The following PRDM2 variants were observed in gnomAD, a reference collection of about 807,000 sequenced individuals.
PRDM2 encodes the protein PR/SET domain 2.
PRDM2 carries 30 observed loss-of-function variants against 130.0 expected under a neutral mutation model. The ratio of observed to expected loss-of-function variants is 0.23; its 90% CI spans 0.17 to 0.31. PRDM2 has a LOEUF of 0.31. Ranked by LOEUF, PRDM2 falls within the 10% of genes least tolerant of loss-of-function variation. The pLI, the probability that PRDM2 is intolerant of heterozygous loss-of-function variation, is 1.00. For synonymous variants in PRDM2, 871 were observed against 782.4 expected (o/e 1.11, Z -1.89); for missense variants, 2,011 against 2,108.4 (o/e 0.95, Z 0.90).
chr1:13,790,490 T>TA (rs1644821993), intron 8 of PRDM2, among the ~76,000 whole-genome samples: 1 of 152,004 alleles, frequency 6.6e-6, no homozygotes, highest in South Asian at 2.1e-4. Flanking sequence ...CTCTCTGGCT[T>TA]ATGTTGATTC....
chr1:13,757,727 A>G (rs1327102338), intron 6 of PRDM2, among the ~76,000 whole-genome samples: 1 of 147,138 alleles, frequency 6.8e-6, no homozygotes, highest in Non-Finnish European at 1.5e-5. Context: ...AGGTGGTGAC[A>G]TTTTGTTTTT....
At chr1:13,799,782 A>G (rs1210661346) in intron 8 of PRDM2, among the ~76,000 whole-genome samples, 1 of 152,238 alleles carries the variant, frequency 6.6e-6, no homozygotes, top group Non-Finnish European at 1.5e-5. Context: ...TAAATATTAT[A>G]CAAGCCAATG....
chr1:13,706,311 A>T (rs553500621), intron 1 of PRDM2, among the ~76,000 whole-genome samples: 1 of 152,000 alleles, frequency 6.6e-6, no homozygotes, highest in Non-Finnish European at 1.5e-5. Context: ...CTACTTCCTT[A>T]TTCTTTTCTG....
intron 8 of PRDM2, among the ~76,000 whole-genome samples, chr1:13,792,969 A>G (rs1187692896): frequency 1.3e-5 from 2 of 152,256 alleles, no homozygotes; most frequent in Admixed American, 1.3e-4. Context: ...GCCAAGCTCA[A>G]CTACAATTTG....
chr1:13,709,100 T>C (rs1642292953), intron 1 of PRDM2, among the ~76,000 whole-genome samples: 1 of 152,142 alleles, frequency 6.6e-6, no homozygotes, highest in Non-Finnish European at 1.5e-5. Flanking sequence ...TTTTGTTTAG[T>C]CTAACAAGTG....
intron 8 of PRDM2, among the ~76,000 whole-genome samples, chr1:13,793,823 A>C (rs1180333258): frequency 1.3e-5 from 2 of 151,908 alleles, no homozygotes; most frequent in South Asian, 2.1e-4. Context: ...GCTAAAACAA[A>C]AGAAAGATAT....
At chr1:13,723,097 T>C (rs1339243324) in intron 2 of PRDM2, among the ~76,000 whole-genome samples, 2 of 152,206 alleles carry the variant, frequency 1.3e-5, no homozygotes, top group Non-Finnish European at 2.9e-5. Context: ...CCTCTTTTTA[T>C]TCCTGAACAG....
chr1:13,797,878 G>A (rs1644946747), intron 8 of PRDM2, among the ~76,000 whole-genome samples: 1 of 151,798 alleles, frequency 6.6e-6, no homozygotes, highest in South Asian at 2.1e-4. Flanking sequence ...TTAATGACAT[G>A]GTATCACTCA....
rs144805049 is a variant in PRDM2 at position 13,788,555 on chromosome 1, C to A, written c.5036+5724C>A. Among the ~76,000 whole-genome samples the A allele has an allele frequency of 2.6e-5, 4 of 152,332 alleles. No individual in the cohort carries two copies. In the East Asian group the frequency reaches 7.7e-4, roughly 29 times the overall value. The stretch of plus-strand genomic sequence containing the variant: ...CATCATAGCACTTTGCTAACCACAT[C>A]TGTCTGTCACTCCTCAGGGAAAGGT... On this transcript the variant is annotated intron_variant, in intron 8 of 9. Coordinates refer to ENST00000311066, the MANE Select transcript of PRDM2 (RefSeq NM_001393986.1).
intron 6 of PRDM2, among the ~76,000 whole-genome samples, chr1:13,759,923 G>A (rs1644056202): frequency 6.6e-6 from 1 of 152,188 alleles, no homozygotes; most frequent in South Asian, 2.1e-4. Context: ...AGGGGTTTAA[G>A]ATTCCAAATC....
intron 3 of PRDM2, among the ~76,000 whole-genome samples, chr1:13,731,805 C>T (rs1237715681): frequency 1.3e-5 from 2 of 151,848 alleles, no homozygotes; most frequent in African/African-American, 2.4e-5. Flanking sequence ...GATGTACTTC[C>T]GATATCCCAA....
intron 1 of PRDM2, among the ~76,000 whole-genome samples, chr1:13,709,430 C>T (rs908756278): frequency 4.6e-5 from 7 of 152,144 alleles, no homozygotes; most frequent in Non-Finnish European, 8.8e-5. Context: ...TCAATAAAAA[C>T]TGTTTTTGAG....
At chr1:13,769,606 T>G (rs374449816) in intron 6 of PRDM2, among the ~76,000 whole-genome samples, 168 of 152,310 alleles carry the variant, frequency 1.1e-3, no homozygotes, top group African/African-American at 3.9e-3. Flanking sequence ...CTCATGAAGA[T>G]TGAGAACATT....
At chr1:13,812,014 G>A (rs1409603889) in intron 8 of PRDM2, among the ~76,000 whole-genome samples, 3 of 152,184 alleles carry the variant, frequency 2.0e-5, no homozygotes, top group Admixed American at 1.3e-4. Context: ...TGGGAGGGTC[G>A]CAAGCAGGTG....
intron 6 of PRDM2, among the ~76,000 whole-genome samples, chr1:13,751,251 A>T (rs1200355309): frequency 6.6e-6 from 1 of 152,186 alleles, no homozygotes; most frequent in Non-Finnish European, 1.5e-5. Context: ...CGTATTAAAT[A>T]GTTCATATTT....
intron 9 of PRDM2, among the ~76,000 whole-genome samples, chr1:13,818,368 TTC>T (rs1421339694): frequency 7.3e-6 from 1 of 136,298 alleles, no homozygotes; most frequent in Non-Finnish European, 1.5e-5. Context: ...AAGACCTCAC[TTC>T]TCTCTTTCCT....
At chr1:13,819,797 A>C (rs552464714) in intron 9 of PRDM2, among the ~76,000 whole-genome samples, 32 of 152,088 alleles carry the variant, frequency 2.1e-4, no homozygotes, top group Non-Finnish European at 3.7e-4. Flanking sequence ...CCTGGGGGAG[A>C]GCAAGCTCTC....
rs1413048892 is a variant in PRDM2, at chr1:13,824,968, T to G, written c.*1833T>G. Reference sequence around the variant, plus strand: ...TTCCAATCATGAAAAGGGGGGATGATTTTGTAAAAGTGGCATTTCCTGGTC... The same window carrying G: ...TTCCAATCATGAAAAGGGGGGATGAGTTTGTAAAAGTGGCATTTCCTGGTC... On this transcript the variant is annotated 3_prime_UTR_variant, in exon 10 of 10. Transcript: ENST00000311066. 6.6e-6 allele frequency: 1 copy of G among 152,650 alleles called. No individual in the cohort carries two copies. The highest frequency in any genetic ancestry group is 2.4e-5 in the African/African-American group (1 of 41,454). 9.5% of individuals were successfully genotyped at this position (152,650 alleles called of 1,614,324 possible).
At chr1:13,751,589 A>G (rs933635261) in intron 6 of PRDM2, among the ~76,000 whole-genome samples, 1 of 151,772 alleles carries the variant, frequency 6.6e-6, no homozygotes, top group African/African-American at 2.4e-5. Context: ...AAACATTTAA[A>G]TAATATCTTT....
Sources: allele counts gnomAD v4.1 joint callset (sites outside exome capture counted in the v4.1 genomes callset), GRCh38; gene constraint gnomAD v4.1.1; transcripts MANE v1.5; gene names NCBI Gene and HGNC (gene_info 2026-07-23, HGNC 2026-07-21).